Variants in PHACTR3 observed in about 807,000 individuals in gnomAD.
PHACTR3 encodes phosphatase and actin regulator 3, also known as protein phosphatase 1, regulatory subunit 123.
Under a neutral mutation model 66.8 loss-of-function variants are expected in PHACTR3, and 16 were observed. The observed-to-expected ratio is 0.24, with a 90% CI of 0.16 to 0.36. PHACTR3 has a LOEUF of 0.36. Among genes scored for constraint, PHACTR3 ranks in the 10% least tolerant of loss-of-function variants. The pLI is 1.00. For synonymous variants in PHACTR3, 323 were observed against 292.1 expected (o/e 1.11, Z -1.08); for missense variants, 647 against 719.9 (o/e 0.90, Z 1.16).
chr20:59,777,326 C>T (rs1312114558), intron 7 of PHACTR3, among the ~76,000 whole-genome samples: 2 of 152,218 alleles, frequency 1.3e-5, no homozygotes, highest in Non-Finnish European at 2.9e-5. Flanking sequence ...GGGATTTGGA[C>T]TTGGCACATC....
At chr20:59,805,379 G>A (rs2041535468) in intron 7 of PHACTR3, among the ~76,000 whole-genome samples, 1 of 152,180 alleles carries the variant, frequency 6.6e-6, no homozygotes, top group Non-Finnish European at 1.5e-5. Context: ...GGCGGGTGGG[G>A]GAAAGGCTGT....
chr20:59,748,966 C>A (rs959609266), intron 3 of PHACTR3, among the ~76,000 whole-genome samples: 2 of 152,104 alleles, frequency 1.3e-5, no homozygotes, highest in Non-Finnish European at 2.9e-5. Context: ...GTCATTGTTT[C>A]CTCTCTTTAG....
chr20:59,740,954 G>T (rs945070084), intron 1 of PHACTR3, among the ~76,000 whole-genome samples: 2 of 152,244 alleles, frequency 1.3e-5, no homozygotes, highest in Admixed American at 1.3e-4. Flanking sequence ...GCATGCATGG[G>T]TGCCTTAGGT....
At chr20:59,703,153 G>A (rs6092812) in intron 1 of PHACTR3, among the ~76,000 whole-genome samples, 6,921 of 152,138 alleles carry the variant, frequency 0.045, 520 homozygotes, top group African/African-American at 0.16. Context: ...GAAATTTGCC[G>A]ACATAATTCC....
Position 59,672,593 on chromosome 20 carries a change from G to C in PHACTR3, c.118+67461G>C, listed in dbSNP as rs138659650. 6.4e-3 allele frequency among the ~76,000 whole-genome samples: 972 copies of C among 152,318 alleles called. 3 individuals are homozygous for C. Among genetic ancestry groups the C allele is most frequent in the Admixed American group, 9.6e-3 (147 of 15,310 alleles). On this transcript the variant is annotated intron_variant, in intron 1 of 12. Transcript: ENST00000371015. Reference sequence around the variant, plus strand: ...AAGAGAGGAATAGGGCAGCCTCTAAGGATGTGAGGATTAAATGGTTTAATG... The same window carrying C: ...AAGAGAGGAATAGGGCAGCCTCTAACGATGTGAGGATTAAATGGTTTAATG...
chr20:59,627,334 G>A (rs756171694), intron 1 of PHACTR3, among the ~76,000 whole-genome samples: 21 of 152,180 alleles, frequency 1.4e-4, no homozygotes, highest in East Asian at 3.8e-4. Flanking sequence ...ACCTAAGCCC[G>A]CCTGCAGCTC....
At chr20:59,751,241 C>A (rs1284902524) in intron 3 of PHACTR3, among the ~76,000 whole-genome samples, 1 of 152,182 alleles carries the variant, frequency 6.6e-6, no homozygotes, top group Non-Finnish European at 1.5e-5. Flanking sequence ...CCGCCTTCCA[C>A]TGCTGGCAGG....
At chr20:59,727,177 C>T (rs1043721159) in intron 1 of PHACTR3, among the ~76,000 whole-genome samples, 6 of 152,208 alleles carry the variant, frequency 3.9e-5, no homozygotes, top group East Asian at 1.9e-4. Flanking sequence ...TGGAATCATA[C>T]GCTGTACGGA....
chr20:59,830,286 GCA>G lies in PHACTR3; in HGVS notation c.1329-6218_1329-6217del, dbSNP rs1600732610. The stretch of plus-strand genomic sequence containing the variant: ...AAGAGGGTATGAGTGTCTGATGGAA[GCA>G]AGTGAGTGATGGACAGTGTGAGTAG... On this transcript the variant is annotated intron_variant, in intron 8 of 12. Transcript: ENST00000371015. This position sits in a 1 kb window ranked among gnomAD's most constrained non-coding sequence, Gnocchi z 5.8. Among the ~76,000 whole-genome samples the G allele has an allele frequency of 8.5e-5, 13 of 152,098 alleles. No individual in the cohort carries two copies. Among genetic ancestry groups the G allele is most frequent in the African/African-American group, 1.9e-4 (8 of 41,454 alleles).
At chr20:59,594,213 T>A (rs867416793) in intron 1 of PHACTR3, among the ~76,000 whole-genome samples, 25 of 152,350 alleles carry the variant, frequency 1.6e-4, no homozygotes, top group Middle Eastern at 6.8e-3. Context: ...TACCTAGGTA[T>A]TTTATTTTTG....
chr20:59,754,749 G>A (rs1220529567), intron 3 of PHACTR3, among the ~76,000 whole-genome samples: 2 of 152,252 alleles, frequency 1.3e-5, no homozygotes, highest in Non-Finnish European at 2.9e-5. Context: ...CAAAGGTCCA[G>A]GGAAACAGGA....
Position 59,723,080 on chromosome 20 carries a change from T to A in PHACTR3, c.119-20027T>A, listed in dbSNP as rs918619048. On this transcript the variant is annotated intron_variant, in intron 1 of 12. Coordinates refer to ENST00000371015, the MANE Select transcript of PHACTR3 (RefSeq NM_080672.5). Reference sequence around the variant, plus strand: ...TCTTTCTCTTTCTTTCTTTCTTTCTTTCTTTCTTTCTTTCTTTCTTTCTTT... The same window carrying A: ...TCTTTCTCTTTCTTTCTTTCTTTCTATCTTTCTTTCTTTCTTTCTTTCTTT... Among the ~76,000 whole-genome samples, 14 of 144,154 alleles carry A rather than the reference T, an allele frequency of 9.7e-5. No individual in the cohort carries two copies. The South Asian group carries it at 2.9e-3, about 30-fold the overall frequency. The allele number at this position is 144,154 out of a possible 152,430, so 94.6% of individuals were successfully genotyped here.
intron 1 of PHACTR3, among the ~76,000 whole-genome samples, chr20:59,638,201 CT>C (rs1281643286): frequency 6.6e-6 from 1 of 152,238 alleles, no homozygotes; most frequent in African/African-American, 2.4e-5. Flanking sequence ...CTTAGAAACA[CT>C]GTCATTTAAC....
intron 1 of PHACTR3, among the ~76,000 whole-genome samples, chr20:59,586,872 G>A (rs1483248726): frequency 6.6e-6 from 1 of 152,210 alleles, no homozygotes; most frequent in Non-Finnish European, 1.5e-5. Flanking sequence ...CGTGCCCAAG[G>A]TCACAGCTGC....
At chr20:59,714,793 C>A (rs2038038416) in intron 1 of PHACTR3, among the ~76,000 whole-genome samples, 1 of 152,166 alleles carries the variant, frequency 6.6e-6, no homozygotes, top group Admixed American at 6.5e-5. Context: ...TTAAAACATT[C>A]AGTAATTTGG....
intron 1 of PHACTR3, among the ~76,000 whole-genome samples, chr20:59,638,771 G>A (rs6015538): frequency 6.8e-6 from 1 of 147,498 alleles, no homozygotes; most frequent in African/African-American, 2.5e-5. Flanking sequence ...TGGGTAGATG[G>A]ACGGATGGAT....
Position 59,577,693 on chromosome 20 carries a change from G to A in PHACTR3, c.109+76G>A, listed in dbSNP as rs1038487165. On this transcript the variant is annotated intron_variant, in intron 1 of 12. Coordinates refer to the PHACTR3 transcript ENST00000359926. ...CGCCGGGCACGAGGCGCTGGGGGAC[G>A]ACTCCTCCTGAATCCCTTGCCCTTG... 1.9e-5 allele frequency: 19 copies of A among 986,028 alleles called. No individual in the cohort carries two copies. The Middle Eastern group carries it at 1.2e-3, about 62-fold the overall frequency. 61.1% of individuals were successfully genotyped at this position (986,028 alleles called of 1,614,324 possible).
intron 8 of PHACTR3, among the ~76,000 whole-genome samples, chr20:59,821,411 C>T (rs959704798): frequency 3.3e-5 from 5 of 152,186 alleles, no homozygotes; most frequent in Non-Finnish European, 7.3e-5. Context: ...AGGCACCAGA[C>T]ATCATATTCA....
intron 7 of PHACTR3, among the ~76,000 whole-genome samples, chr20:59,777,158 T>A (rs1455428770): frequency 6.6e-6 from 1 of 152,176 alleles, no homozygotes; most frequent in African/African-American, 2.4e-5. Context: ...GGCACATAGC[T>A]GCCTCCTCTC....
Sources: allele counts gnomAD v4.1 joint callset (sites outside exome capture counted in the v4.1 genomes callset), GRCh38; gene constraint gnomAD v4.1.1; non-coding constraint Gnocchi (gnomAD v3.1); transcripts MANE v1.5; gene names NCBI Gene and HGNC (gene_info 2026-07-23, HGNC 2026-07-21).